Variants in ARB2A observed in about 807,000 individuals in gnomAD.
The protein encoded by ARB2A is cotranscriptional regulator ARB2A.
the ARB2A span, among the ~76,000 whole-genome samples, chr5:94,058,975 T>A: frequency 6.6e-6 from 1 of 152,090 alleles, no homozygotes; most frequent in South Asian, 2.1e-4. Flanking sequence ...CCTCTCACCA[T>A]GTAACATACT....
the ARB2A span, among the ~76,000 whole-genome samples, chr5:93,699,754 C>G: frequency 6.6e-6 from 1 of 151,826 alleles, no homozygotes; most frequent in African/African-American, 2.4e-5. Flanking sequence ...TACCAAGTTT[C>G]AAGTTACGTG....
At chr5:93,854,305 C>T in the ARB2A span, among the ~76,000 whole-genome samples, 23 of 152,160 alleles carry the variant, frequency 1.5e-4, no homozygotes, top group Admixed American at 2.6e-4. Flanking sequence ...GTGGTGGCAT[C>T]CCCTTTATCA....
the ARB2A span, chr5:93,620,928 A>G: frequency 1.3e-6 from 2 of 1,587,228 alleles, no homozygotes; most frequent in Non-Finnish European, 1.7e-6. Flanking sequence ...CGACACAAGC[A>G]GTGAGGAGGC....
the ARB2A span, among the ~76,000 whole-genome samples, chr5:94,064,362 A>C: frequency 6.6e-6 from 1 of 152,234 alleles, no homozygotes; most frequent in Non-Finnish European, 1.5e-5. Flanking sequence ...CCATAAAGCT[A>C]TAAAATACTT....
At chr5:93,953,994 C>T in the ARB2A span, among the ~76,000 whole-genome samples, 22 of 152,126 alleles carry the variant, frequency 1.4e-4, no homozygotes, top group African/African-American at 5.3e-4. Context: ...GTAAATGCTA[C>T]CAGTCCTAGG....
chr5:94,068,862 C>CAAAAA, the ARB2A span, among the ~76,000 whole-genome samples: 12 of 62,340 alleles, frequency 1.9e-4, no homozygotes, highest in East Asian at 5.0e-4. Context: ...ACTAAAAATA[C>CAAAAA]AAAAAAAAAA....
At chr5:93,864,421 G>T in the ARB2A span, among the ~76,000 whole-genome samples, 1 of 152,006 alleles carries the variant, frequency 6.6e-6, no homozygotes, top group African/African-American at 2.4e-5. Context: ...AAAAGTAAAG[G>T]CAAAACAATT....
the ARB2A span, among the ~76,000 whole-genome samples, chr5:93,672,457 T>C: frequency 2.0e-5 from 3 of 151,850 alleles, no homozygotes; most frequent in Non-Finnish European, 4.4e-5. Flanking sequence ...TTACAGGCAC[T>C]CACCACCACA....
At chr5:93,875,696 G>A in the ARB2A span, among the ~76,000 whole-genome samples, 1 of 151,956 alleles carries the variant, frequency 6.6e-6, no homozygotes. Context: ...GCCTTGGAAT[G>A]TATTATAGAA....
the ARB2A span, among the ~76,000 whole-genome samples, chr5:93,807,069 A>T: frequency 2.6e-5 from 4 of 151,976 alleles, no homozygotes; most frequent in Non-Finnish European, 5.9e-5. Context: ...TGAAACAGAA[A>T]ACTGGTCTGG....
chr5:93,846,000 GAC>G, the ARB2A span, among the ~76,000 whole-genome samples: 2,910 of 146,722 alleles, frequency 0.02, 39 homozygotes, highest in African/African-American at 0.026. Flanking sequence ...CTCTCTCTGT[GAC>G]ACACACACAC....
the ARB2A span, among the ~76,000 whole-genome samples, chr5:93,681,273 A>C: frequency 9.2e-5 from 14 of 152,342 alleles, no homozygotes; most frequent in Middle Eastern, 0.024. Context: ...CTACACATGC[A>C]CTGGCAAGAT....
chr5:94,081,101 C>T, the ARB2A span, among the ~76,000 whole-genome samples: 1 of 152,118 alleles, frequency 6.6e-6, no homozygotes, highest in Non-Finnish European at 1.5e-5. Context: ...TATCATTAGT[C>T]ATTATAAAAA....
At chr5:93,883,710 C>T in the ARB2A span, among the ~76,000 whole-genome samples, 1 of 151,490 alleles carries the variant, frequency 6.6e-6, no homozygotes, top group Non-Finnish European at 1.5e-5. Context: ...TTAAAGAACA[C>T]TGTTGCACTC....
At chr5:93,883,195 G>A in the ARB2A span, among the ~76,000 whole-genome samples, 6 of 151,394 alleles carry the variant, frequency 4.0e-5, no homozygotes, top group African/African-American at 1.2e-4. Context: ...GATCACTGAA[G>A]TTCTGATTTT....
chr5:93,744,434 CAAAAAAAA>C, the ARB2A span, among the ~76,000 whole-genome samples: 50 of 14,524 alleles, frequency 3.4e-3, no homozygotes, highest in Non-Finnish European at 5.4e-3. Flanking sequence ...GACTCAGTCT[CAAAAAAAA>C]AAAAAAAAAA....
chr5:93,893,014 T>C, the ARB2A span, among the ~76,000 whole-genome samples: 3 of 152,306 alleles, frequency 2.0e-5, no homozygotes, highest in South Asian at 2.1e-4. Flanking sequence ...GATTCCATTA[T>C]TGGTGCAACA....
At chr5:93,926,983 G>T in the ARB2A span, among the ~76,000 whole-genome samples, 1 of 151,180 alleles carries the variant, frequency 6.6e-6, no homozygotes, top group Non-Finnish European at 1.5e-5. Flanking sequence ...TTGGAATTTA[G>T]GTCATTGAGA....
At chr5:93,845,590 A>G in the ARB2A span, among the ~76,000 whole-genome samples, 7 of 152,350 alleles carry the variant, frequency 4.6e-5, no homozygotes, top group Middle Eastern at 3.4e-3. Flanking sequence ...TGGCACAATC[A>G]GAGTATGACC....
Sources: gnomAD v4.1 joint callset for allele counts (sites outside exome capture counted in the v4.1 genomes callset) on GRCh38, gnomAD v4.1.1 for gene constraint, MANE v1.5 for transcripts, NCBI Gene and HGNC (gene_info 2026-07-23, HGNC 2026-07-21) for gene names.